Variants in FBXL2 observed in about 807,000 individuals in gnomAD.
The protein encoded by FBXL2 is F-box and leucine rich repeat protein 2.
A neutral mutation model predicts 69.2 loss-of-function variants in FBXL2; 38 were observed. The observed-to-expected ratio is 0.55, with a 90% CI of 0.42 to 0.72. The LOEUF is 0.72. Ranked by LOEUF, FBXL2 falls within the 30% of genes least tolerant of loss-of-function variation. FBXL2 has a pLI of 0.00. For missense variants in FBXL2, 354 were observed against 520.3 expected, an observed-to-expected ratio of 0.68 and a Z score of 3.11; for synonymous variants, 192 against 201.3, an observed-to-expected ratio of 0.95 and a Z score of 0.39.
intron 2 of FBXL2, among the ~76,000 whole-genome samples, chr3:33,357,901 G>A (rs894591427): frequency 1.3e-5 from 2 of 152,122 alleles, no homozygotes; most frequent in African/African-American, 4.8e-5. Context: ...ACTAGAAAAT[G>A]ATTGTAGCCT....
At chr3:33,336,567 A>T (rs1484673411) in intron 2 of FBXL2, among the ~76,000 whole-genome samples, 1 of 152,230 alleles carries the variant, frequency 6.6e-6, no homozygotes, top group African/African-American at 2.4e-5. Context: ...CTTCATAACC[A>T]TTTAAAATAA....
At chr3:33,412,404 T>C in the FBXL2 span, among the ~76,000 whole-genome samples, 3 of 151,562 alleles carry the variant, frequency 2.0e-5, no homozygotes, top group African/African-American at 7.3e-5. Flanking sequence ...CGTATGTATA[T>C]ATAGAAAACA....
Position 33,289,553 on chromosome 3 carries a change from A to C in FBXL2, c.4-8111A>C, listed in dbSNP as rs141134757. 1.8e-3 allele frequency: 270 copies of C among 153,950 alleles called. 1 individual carries two copies. Among genetic ancestry groups the C allele is most frequent in the Non-Finnish European group, 3.0e-3 (208 of 69,514 alleles). The allele number at this position is 153,950 out of a possible 1,614,324, so 9.5% of individuals were successfully genotyped here. A position where few individuals can be genotyped will look rare whatever the true frequency, so the allele number is the denominator to read the frequency against. On this transcript the variant is annotated intron_variant, in intron 1 of 14. Coordinates refer to ENST00000484457, the MANE Select transcript of FBXL2 (RefSeq NM_012157.5). ...CTCAAGAGAAAAAAAAAAGAGATAC[A>C]TAGGTACTTTCATCTATGGTGGAAC...
chr3:33,374,714 A>G (rs2042523966), intron 9 of FBXL2, among the ~76,000 whole-genome samples: 2 of 152,218 alleles, frequency 1.3e-5, no homozygotes, highest in South Asian at 4.1e-4. Context: ...TTCTATATGA[A>G]GTAGTCTGTT....
Position 33,359,264 on chromosome 3 carries a change from T to C in FBXL2, c.121-19T>C. On this transcript the variant is annotated intron_variant, in intron 3 of 14. Coordinates refer to ENST00000484457, the MANE Select transcript of FBXL2 (RefSeq NM_012157.5). ...TTTCTTTCATCCCAATCCCTCTTCC[T>C]TTACCTCCCACCTTCCAGGCTTGGA... The C allele has an allele frequency of 6.2e-7, 1 of 1,604,566 alleles. No individual in the cohort carries two copies. Among genetic ancestry groups the C allele is most frequent in the Non-Finnish European group, 8.5e-7 (1 of 1,173,480 alleles).
chr3:33,377,730 T>C (rs1468402166), intron 11 of FBXL2, among the ~76,000 whole-genome samples: 3 of 152,140 alleles, frequency 2.0e-5, no homozygotes, highest in South Asian at 2.1e-4. Flanking sequence ...GCTGCTGATA[T>C]ACTTGGCTAC....
chr3:33,317,443 C>G (rs1407978491), intron 2 of FBXL2: 1 of 456,524 alleles, frequency 2.2e-6, no homozygotes, highest in Non-Finnish European at 4.4e-6. Flanking sequence ...TTTTGTTACT[C>G]TCCCTCAACT....
the FBXL2 span, among the ~76,000 whole-genome samples, chr3:33,421,042 G>C: frequency 2.0e-5 from 3 of 152,218 alleles, no homozygotes; most frequent in African/African-American, 7.2e-5. Context: ...AGTCAGCAAG[G>C]GGGTAAGATC....
chr3:33,282,456 A>G (rs1171135183), intron 1 of FBXL2, among the ~76,000 whole-genome samples: 2 of 152,138 alleles, frequency 1.3e-5, no homozygotes, highest in Non-Finnish European at 2.9e-5. Flanking sequence ...GTAGCCTTGT[A>G]GTATAGTTTG....
At chr3:33,372,515 A>T (rs1575381312) in intron 5 of FBXL2, 1 of 158,446 alleles carries the variant, frequency 6.3e-6, no homozygotes, top group Non-Finnish European at 1.4e-5. Flanking sequence ...GGGCGTTTTA[A>T]TGTGCTGCTT....
chr3:33,345,038 G>A lies in FBXL2; in HGVS notation c.66-13929G>A, dbSNP rs531148362. On this transcript the variant is annotated intron_variant, in intron 2 of 14. Transcript: ENST00000484457. ...AAGATAGAAACAATGAAAGTCTTATGTTAACTTTTCCCAGAAAACAGAAAA... is the reference window on the plus strand; with the variant it reads ...AAGATAGAAACAATGAAAGTCTTATATTAACTTTTCCCAGAAAACAGAAAA... Among the ~76,000 whole-genome samples the A allele has an allele frequency of 2.6e-5, 4 of 152,292 alleles. No homozygotes were observed. The South Asian group carries it at 8.3e-4, about 32-fold the overall frequency.
At chr3:33,405,058 C>T (rs2044380278), downstream of FBXL2, among the ~76,000 whole-genome samples, 1 of 151,962 alleles carries the variant, frequency 6.6e-6, no homozygotes, top group South Asian at 2.1e-4. Flanking sequence ...AGGCTATGGT[C>T]ACAGCAAATT....
chr3:33,305,340 A>T (rs947864634), intron 2 of FBXL2, among the ~76,000 whole-genome samples: 2 of 151,964 alleles, frequency 1.3e-5, no homozygotes, highest in African/African-American at 4.8e-5. Flanking sequence ...CATATGGATT[A>T]TCAATTTTTT....
At chr3:33,409,311 T>G in the FBXL2 span, 3 of 1,614,096 alleles carry the variant, frequency 1.9e-6, no homozygotes, top group Non-Finnish European at 2.5e-6. Flanking sequence ...CCATCTTCTC[T>G]CGGTCAGTTT....
chr3:33,399,195 C>T (rs1161613386), intron 12 of FBXL2, among the ~76,000 whole-genome samples: 80 of 152,218 alleles, frequency 5.3e-4, no homozygotes, highest in Non-Finnish European at 1.5e-4. Context: ...TGATCCAGCA[C>T]TTCTCAGGAT....
rs71070130 is a variant in FBXL2 at position 33,342,711 on chromosome 3, CTTTTTTTTTTTTTTTTTTT to C, written c.66-16242_66-16224del. Reference sequence around the variant, plus strand: ...GATTCTTGCAAAACAAATATAACTTCTTTTTTTTTTTTTTTTTTTTTTTTTTTTTTTTGAGACAGAGTCT... The same window carrying C: ...GATTCTTGCAAAACAAATATAACTTCTTTTTTTTTTTTTGAGACAGAGTCT... On this transcript the variant is annotated intron_variant, in intron 2 of 14. Transcript: ENST00000484457. Among the ~76,000 whole-genome samples the C allele has an allele frequency of 3.4e-4, 13 of 37,926 alleles. No individual in the cohort carries two copies. The South Asian group carries it at 8.8e-3, about 26-fold the overall frequency. The allele number at this position is 37,926 out of a possible 152,430, so 24.9% of individuals were successfully genotyped here. A position where few individuals can be genotyped will look rare whatever the true frequency, so the allele number is the denominator to read the frequency against.
intron 2 of FBXL2, among the ~76,000 whole-genome samples, chr3:33,306,648 G>A (rs1420538912): frequency 6.6e-6 from 1 of 152,110 alleles, no homozygotes; most frequent in Admixed American, 6.5e-5. Flanking sequence ...CAGTCTGGAT[G>A]CTTATTGTGT....
chr3:33,296,529 T>G (rs920653524), intron 1 of FBXL2, among the ~76,000 whole-genome samples: 1 of 152,230 alleles, frequency 6.6e-6, no homozygotes, highest in Non-Finnish European at 1.5e-5. Context: ...TTTAAGTCGC[T>G]GAGCCATTTT....
intron 2 of FBXL2, among the ~76,000 whole-genome samples, chr3:33,304,382 T>C (rs2036539619): frequency 6.6e-6 from 1 of 152,148 alleles, no homozygotes; most frequent in Admixed American, 6.6e-5. Context: ...TTACTTTTGC[T>C]TGTTTATTAA....
Sources: gnomAD v4.1 joint callset for allele counts (sites outside exome capture counted in the v4.1 genomes callset) on GRCh38, gnomAD v4.1.1 for gene constraint, MANE v1.5 for transcripts, NCBI Gene and HGNC (gene_info 2026-07-23, HGNC 2026-07-21) for gene names.